The following KDM4A variants were observed in gnomAD, a reference collection of about 807,000 sequenced individuals.
The protein encoded by KDM4A is lysine-specific demethylase 4A.
KDM4A carries 23 observed loss-of-function variants against 127.1 expected under a neutral mutation model. The observed-to-expected ratio is 0.18, with a 90% confidence interval of 0.13 to 0.26. KDM4A has a LOEUF of 0.26. Among genes scored for constraint, KDM4A ranks in the 10% least tolerant of loss-of-function variants. KDM4A has a pLI of 1.00. For synonymous variants in KDM4A, 443 were observed against 466.5 expected, an observed-to-expected ratio of 0.95 and a Z score of 0.65; for missense variants, 890 against 1,329.1, an observed-to-expected ratio of 0.67 and a Z score of 5.14.
chr1:43,663,545 CAG>C (rs1429016786), intron 5 of KDM4A, among the ~76,000 whole-genome samples: 1 of 152,156 alleles, frequency 6.6e-6, no homozygotes, highest in African/African-American at 2.4e-5. Context: ...TCCTGTTCTC[CAG>C]AGTGTTATTC....
At chr1:43,687,544 A>G (rs906104776) in intron 12 of KDM4A, among the ~76,000 whole-genome samples, 3 of 152,242 alleles carry the variant, frequency 2.0e-5, no homozygotes, top group Admixed American at 6.5e-5. Context: ...GCTTGGTCAC[A>G]CTTGCCAAAG....
chr1:43,671,027 A>G (rs1343197421), intron 10 of KDM4A, among the ~76,000 whole-genome samples: 6 of 152,226 alleles, frequency 3.9e-5, no homozygotes, highest in Non-Finnish European at 8.8e-5. Flanking sequence ...TGAAGTATAT[A>G]TAAGTTGTGG....
chr1:43,700,303 A>AT (rs1165434115), intron 19 of KDM4A, among the ~76,000 whole-genome samples: 6 of 150,250 alleles, frequency 4.0e-5, no homozygotes, highest in African/African-American at 1.5e-4. Flanking sequence ...TAATTTTTTA[A>AT]TTTTTTGTAG....
intron 19 of KDM4A, among the ~76,000 whole-genome samples, chr1:43,703,202 A>C (rs912157738): frequency 1.5e-4 from 23 of 152,064 alleles, no homozygotes; most frequent in Non-Finnish European, 1.5e-4. Flanking sequence ...TCAGCCTCCC[A>C]AAGTGCTGCG....
rs567498467 is a variant in KDM4A at position 43,694,553 on chromosome 1, T to C, written c.2485-156T>C. 8.6e-5 allele frequency among the ~76,000 whole-genome samples: 13 copies of C among 151,540 alleles called. No homozygotes were observed. The highest frequency in any genetic ancestry group is 2.1e-4 in the South Asian group (1 of 4,792). On this transcript the variant is annotated intron_variant, in intron 17 of 21. Transcript: ENST00000372396. This position sits in a 1 kb window ranked among gnomAD's most constrained non-coding sequence, Gnocchi z 5.2. ...AAAAAAATTTCCTTGGCAGATAAAGTTGTAACCAGACCTGGATTAGAGCAG... is the reference window on the plus strand; with the variant it reads ...AAAAAAATTTCCTTGGCAGATAAAGCTGTAACCAGACCTGGATTAGAGCAG...
chr1:43,681,385 G>GT (rs1242774545), intron 11 of KDM4A, among the ~76,000 whole-genome samples: 1 of 152,106 alleles, frequency 6.6e-6, no homozygotes, highest in Non-Finnish European at 1.5e-5. Context: ...TCCCACCATT[G>GT]TAATTCTGAA....
chr1:43,699,091 ATTTTTTTTT>A (rs61194980), intron 19 of KDM4A, among the ~76,000 whole-genome samples: 85 of 126,430 alleles, frequency 6.7e-4, no homozygotes, highest in African/African-American at 2.3e-3. Flanking sequence ...GCCTGGCCTT[ATTTTTTTTT>A]TTTTTTTTTT....
rs147375088 is a variant in KDM4A at position 43,687,807 on chromosome 1, G to C, written c.1856-1107G>C. ...TGAGTTTTGTGAGCAAACTTTTTTT[G>C]TTTTCCACTCAGCAGTATGTCCCCT... On this transcript the variant is annotated intron_variant, in intron 12 of 21. Transcript: ENST00000372396. Among the ~76,000 whole-genome samples the C allele has an allele frequency of 1.6e-3, 247 of 152,190 alleles. 2 individuals carry two copies. Among genetic ancestry groups the C allele is most frequent in the African/African-American group, 5.6e-3 (231 of 41,530 alleles).
chr1:43,691,822 A>G (rs1458953041), intron 15 of KDM4A, among the ~76,000 whole-genome samples: 1 of 152,188 alleles, frequency 6.6e-6, no homozygotes, highest in Non-Finnish European at 1.5e-5. Context: ...TGGAGGAACA[A>G]TAACTCCCTT....
intron 19 of KDM4A, among the ~76,000 whole-genome samples, chr1:43,699,080 T>C (rs1259640865): frequency 1.3e-5 from 2 of 150,370 alleles, no homozygotes; most frequent in African/African-American, 4.9e-5. Flanking sequence ...TGAGCCACTG[T>C]GCCTGGCCTT....
chr1:43,703,640 T>A lies in KDM4A; in HGVS notation c.2865T>A (p.Gly955=), dbSNP rs1310746386. Residue 955 remains glycine, a synonymous_variant, in exon 20 of 22, where the codon GGT becomes GGA. Transcript: ENST00000372396. ...DIVSQDCLQF[G]PPAEGEVVQV... Reference sequence around the variant, plus strand: ...AGAGCCAGGACTGTCTCCAGTTTGGTCCTCCTGCTGAAGGGGAAGTGGTCC... The same window carrying A: ...AGAGCCAGGACTGTCTCCAGTTTGGACCTCCTGCTGAAGGGGAAGTGGTCC... The A allele has an allele frequency of 6.2e-7, 1 of 1,613,940 alleles. No homozygotes were observed. Among genetic ancestry groups the A allele is most frequent in the Non-Finnish European group, 8.5e-7 (1 of 1,179,984 alleles).
chr1:43,654,491 A>T lies in KDM4A; in HGVS notation c.139-1100A>T, dbSNP rs189029215. ...TTTTTCTTTTTTCCTTTTTAACAAC[A>T]TATATTCCTCCCTCTAGGTCAATTA... On this transcript the variant is annotated intron_variant, in intron 2 of 21. Coordinates refer to ENST00000372396, the MANE Select transcript of KDM4A (RefSeq NM_014663.3). Among the ~76,000 whole-genome samples the T allele has an allele frequency of 6.0e-5, 9 of 149,910 alleles. No individual in the cohort carries two copies. The East Asian group carries it at 1.8e-3, about 29-fold the overall frequency.
chr1:43,670,225 C>T (rs1660586736), intron 10 of KDM4A, among the ~76,000 whole-genome samples: 1 of 152,156 alleles, frequency 6.6e-6, no homozygotes, highest in Admixed American at 6.5e-5. Context: ...AGGCTTGTAT[C>T]TGTCTTGGGT....
intron 3 of KDM4A, 45 bp downstream of exon 3, chr1:43,655,811 G>GGT: frequency 6.6e-7 from 1 of 1,515,754 alleles, no homozygotes; most frequent in Admixed American, 1.9e-5. Flanking sequence ...CTAGGACCCT[G>GGT]GTGTCTCATC....
chr1:43,659,017 C>T lies in KDM4A; in HGVS notation c.315-1281C>T, dbSNP rs571569531. ...GCTAAAGAGTATAGATATTTTTAGA[C>T]TGGGTGCATTGGCTAACTTCTATAA... On this transcript the variant is annotated intron_variant, in intron 3 of 21. Transcript: ENST00000372396. Among the ~76,000 whole-genome samples, 48 of 151,584 alleles carry T rather than the reference C, an allele frequency of 3.2e-4. No homozygotes were observed. The South Asian group carries it at 9.6e-3, about 30-fold the overall frequency.
Position 43,691,034 on chromosome 1 carries a change from G to C in KDM4A, c.2227G>C (p.Val743Leu), listed in dbSNP as rs144765200. The part of the protein sequence containing the change: ...SILVSCKKCS[V>L]RVHASCYGVP... ...ACTCGTTTCCTGCAAGAAGTGCAGC[G>C]TCCGGGTCCATGCCAGTGAGTGCTG... The change falls in exon 14 of 22, where the codon GTC (valine) becomes CTC (leucine). Residue 743 changes from valine to leucine, a missense_variant. Around this residue, in one of 7 missense-constraint regions of KDM4A, gnomAD observed 246 missense variants for 418.4 expected, o/e 0.59. Transcript: ENST00000372396. 6.2e-6 allele frequency: 10 copies of C among 1,614,084 alleles called. No homozygotes were observed. The highest frequency in any genetic ancestry group is 8.5e-6 in the Non-Finnish European group (10 of 1,180,014).
At chr1:43,701,910 TG>T (rs1478938084) in intron 19 of KDM4A, among the ~76,000 whole-genome samples, 1 of 152,260 alleles carries the variant, frequency 6.6e-6, no homozygotes, top group African/African-American at 2.4e-5. Context: ...ACTTAACACA[TG>T]TACTCAATGA....
intron 19 of KDM4A, chr1:43,703,389 G>A: frequency 2.3e-6 from 1 of 431,044 alleles, no homozygotes; most frequent in Non-Finnish European, 4.2e-6. Flanking sequence ...GTTTGTTATA[G>A]CTGGATTTTT....
At chr1:43,665,618 G>T (rs1660483839) in intron 5 of KDM4A, 78 bp from the exon 6 acceptor site, 1 of 1,371,172 alleles carries the variant, frequency 7.3e-7, no homozygotes, top group Admixed American at 1.8e-5. Flanking sequence ...ATTTCAAGGT[G>T]TTTTGAGAGT....
Sources: gnomAD v4.1 joint callset for allele counts (sites outside exome capture counted in the v4.1 genomes callset) on GRCh38, gnomAD v4.1.1 for gene constraint, gnomAD v4.1.1 regional missense constraint, Gnocchi (gnomAD v3.1) non-coding constraint, MANE v1.5 for transcripts, NCBI Gene and HGNC (gene_info 2026-07-23, HGNC 2026-07-21) for gene names.